Variants in CD200R1L observed in about 807,000 individuals in gnomAD.
CD200R1L encodes cell surface glycoprotein CD200 receptor 2.
CD200R1L carries 14 observed loss-of-function variants against 24.8 expected under a neutral mutation model. That is an observed-to-expected ratio of 0.56 (90% CI 0.37 to 0.88). The LOEUF is 0.88. CD200R1L is among the 40% of genes least tolerant of loss of function. The pLI is 0.00. For synonymous variants in CD200R1L, 111 were observed against 109.2 expected (o/e 1.02, Z -0.11); for missense variants, 299 against 297.8 (o/e 1.00, Z -0.03).
chr3:112,815,728 T>C lies in CD200R1L; in HGVS notation c.*235A>G, dbSNP rs1184002095. 2.1e-6 allele frequency: 1 copy of C among 479,240 alleles called. No homozygotes were observed. Among genetic ancestry groups the C allele is most frequent in the Non-Finnish European group, 3.8e-6 (1 of 264,298 alleles). 29.7% of individuals were successfully genotyped at this position (479,240 alleles called of 1,614,324 possible). The stretch of plus-strand genomic sequence containing the variant: ...AATAACACTGGCATGAACAAAATTT[T>C]ATTCACTCTAACACAAAAGAAGTCA... On this transcript the variant is annotated 3_prime_UTR_variant, in exon 8 of 8. Transcript: ENST00000488794.
intron 4 of CD200R1L, among the ~76,000 whole-genome samples, chr3:112,829,068 C>A (rs1938735132): frequency 6.6e-6 from 1 of 152,170 alleles, no homozygotes; most frequent in African/African-American, 2.4e-5. Flanking sequence ...TTAACGCAGA[C>A]CTGAAAGGTC....
chr3:112,820,489 G>A (rs1352248591), intron 6 of CD200R1L, among the ~76,000 whole-genome samples: 4 of 151,840 alleles, frequency 2.6e-5, no homozygotes, highest in Non-Finnish European at 4.4e-5. Context: ...CTAGTGCAGC[G>A]GCGCAATCTC....
At chr3:112,830,091 G>A (rs933981128) in intron 3 of CD200R1L, among the ~76,000 whole-genome samples, 3 of 152,136 alleles carry the variant, frequency 2.0e-5, no homozygotes, top group African/African-American at 4.8e-5. Context: ...TAGAAACAGG[G>A]TCACTTCGGG....
intron 3 of CD200R1L, 25 bp downstream of exon 3, chr3:112,837,917 G>T (rs947035054): frequency 1.9e-6 from 2 of 1,054,424 alleles, no homozygotes; most frequent in South Asian, 1.6e-5. Flanking sequence ...CATCAAACTG[G>T]TTATTAAGTA....
Position 112,827,738 on chromosome 3 carries a change from T to A in CD200R1L, c.50-54A>T. ...TAGAAAACCTTGATAAGGAACTTCA[T>A]GTGTTATGTTTATCCACAGTATATT... On this transcript the variant is annotated intron_variant, in intron 4 of 7. Transcript: ENST00000488794. The A allele has an allele frequency of 2.0e-6, 3 of 1,506,498 alleles. No homozygotes were observed. In the African/African-American group the frequency reaches 4.2e-5, roughly 21 times the overall value. 93.3% of individuals were successfully genotyped at this position (1,506,498 alleles called of 1,614,324 possible). A position where few individuals can be genotyped will look rare whatever the true frequency, so the allele number is the denominator to read the frequency against.
intron 3 of CD200R1L, among the ~76,000 whole-genome samples, chr3:112,835,210 A>G (rs911001939): frequency 5.3e-5 from 8 of 152,194 alleles, no homozygotes; most frequent in Non-Finnish European, 1.2e-4. Flanking sequence ...GAGTGATAGA[A>G]CAGCTCAGAG....
intron 6 of CD200R1L, among the ~76,000 whole-genome samples, chr3:112,822,460 A>G (rs1938557661): frequency 2.0e-5 from 3 of 152,146 alleles, no homozygotes; most frequent in Admixed American, 2.0e-4. Flanking sequence ...AATTTAATCA[A>G]TCATACCTAT....
chr3:112,825,040 A>G (rs1351857074), intron 6 of CD200R1L, among the ~76,000 whole-genome samples: 3 of 152,158 alleles, frequency 2.0e-5, no homozygotes, highest in Non-Finnish European at 4.4e-5. Flanking sequence ...GATCGAGACC[A>G]TCCTGGCTAA....
At chr3:112,842,314 A>G (rs1364173318) in intron 2 of CD200R1L, among the ~76,000 whole-genome samples, 1 of 152,234 alleles carries the variant, frequency 6.6e-6, no homozygotes, top group Non-Finnish European at 1.5e-5. Flanking sequence ...GATTTCATGG[A>G]CATTTATCAG....
rs561528896 is a variant in CD200R1L at position 112,838,652 on chromosome 3, C to T, written c.-86-642G>A. On this transcript the variant is annotated intron_variant, in intron 2 of 7. Transcript: ENST00000488794. ...ATTTTACGGCTCATTTAATGGTCTA[C>T]CTTGGTAAATATTCTGTGTTCACCT... Among the ~76,000 whole-genome samples the T allele has an allele frequency of 3.3e-5, 5 of 152,120 alleles. No individual in the cohort carries two copies. In the East Asian group the frequency reaches 9.6e-4, roughly 29 times the overall value.
rs1249014055 is a variant in CD200R1L at position 112,819,834 on chromosome 3, A to T, written c.678T>A (p.Ser226=). The part of the protein sequence containing the change: ...SLLIILYVKL[S]LFVVILVTTG... ...TGGTGACCAGAATGACCACAAAAAG[A>T]GAGAGTTTCACATAAAGAATGATCA... Residue 226 remains serine (S), a synonymous_variant, in exon 7 of 8, where the codon TCT becomes TCA. Coordinates refer to ENST00000488794, the MANE Select transcript of CD200R1L (RefSeq NM_001199215.3). The T allele has an allele frequency of 1.2e-6, 2 of 1,611,678 alleles. No homozygotes were observed. Among genetic ancestry groups the T allele is most frequent in the Non-Finnish European group, 1.7e-6 (2 of 1,179,214 alleles).
chr3:112,827,380 G>A lies in CD200R1L; in HGVS notation c.354C>T (p.His118=), dbSNP rs1336628625. 9 of 1,613,514 alleles carry A rather than the reference G, an allele frequency of 5.6e-6. No homozygotes were observed. The highest frequency in any genetic ancestry group is 3.3e-5 in the South Asian group (3 of 90,950). ...GATGCTCCTTACCTAACACTTGGAG[G>A]TGATATCCACGATGGAAATTCCCAT... The part of the protein sequence containing the change: ...TPDGNFHRGY[H]LQVLVTPEVN... Residue 118 remains histidine, a synonymous_variant, in exon 5 of 8, where the codon CAC becomes CAT. Coordinates refer to ENST00000488794, the MANE Select transcript of CD200R1L (RefSeq NM_001199215.3).
chr3:112,826,911 C>T lies in CD200R1L; in HGVS notation c.616+82G>A. 6 of 1,470,660 alleles carry T rather than the reference C, an allele frequency of 4.1e-6. No individual in the cohort carries two copies. The Admixed American group carries it at 7.1e-5, about 17-fold the overall frequency. 91.1% of individuals were successfully genotyped at this position (1,470,660 alleles called of 1,614,324 possible). A position where few individuals can be genotyped will look rare whatever the true frequency, so the allele number is the denominator to read the frequency against. On this transcript the variant is annotated intron_variant, in intron 6 of 7. Coordinates refer to ENST00000488794, the MANE Select transcript of CD200R1L (RefSeq NM_001199215.3). ...AAGCTAGGAGCTCAAATTTTCTTAC[C>T]TGCTGTTTGGTTATTCGTTATTTTC...
Position 112,837,954 on chromosome 3 carries a change from G to A in CD200R1L, c.-30C>T, listed in dbSNP as rs1051564531. ...GTGAGCATTTTACCTTCATTAAGAC[G>A]TATTCTCTAACTTTGTATTTCCAGT... is the stretch of plus-strand genomic sequence containing the variant. On this transcript the variant is annotated 5_prime_UTR_variant, in exon 3 of 8. It adds an upstream start codon to the 5' untranslated region. Coordinates refer to ENST00000488794, the MANE Select transcript of CD200R1L (RefSeq NM_001199215.3). 38 of 1,228,978 alleles carry A rather than the reference G, an allele frequency of 3.1e-5. 2 individuals are homozygous for A. The highest frequency in any genetic ancestry group is 2.2e-4 in the Middle Eastern group (1 of 4,504). 76.1% of individuals were successfully genotyped at this position (1,228,978 alleles called of 1,614,324 possible). A position where few individuals can be genotyped will look rare whatever the true frequency, so the allele number is the denominator to read the frequency against.
At chr3:112,827,882 A>G (rs567110683) in intron 4 of CD200R1L, among the ~76,000 whole-genome samples, 198 bp from the exon 5 acceptor site, 114 of 152,332 alleles carry the variant, frequency 7.5e-4, no homozygotes, top group African/African-American at 2.6e-3. Context: ...AAAGATTAAC[A>G]AACTTTCTCC....
chr3:112,831,429 T>A (rs536725961), intron 3 of CD200R1L, among the ~76,000 whole-genome samples: 1 of 152,206 alleles, frequency 6.6e-6, no homozygotes, highest in Non-Finnish European at 1.5e-5. Flanking sequence ...GAGTGAAGAA[T>A]ACAATGACTA....
At position 112,827,093 on chromosome 3, in the gene CD200R1L, C is replaced by T. The variant is rs376654114; in HGVS notation, c.516G>A (p.Thr172=). 1.5e-5 allele frequency: 24 copies of T among 1,613,370 alleles called. No homozygotes were observed. Among genetic ancestry groups the T allele is most frequent in the Admixed American group, 5.0e-5 (3 of 60,022 alleles). ...CCTCCCAGGGGCATGTACTCTTAACCGTCACTGTGCCATTGCCCCAGTATT... is the reference window on the plus strand; with the variant it reads ...CCTCCCAGGGGCATGTACTCTTAACTGTCACTGTGCCATTGCCCCAGTATT... ...KQEYWGNGTV[T]VKSTCPWEGH... The change falls in exon 6 of 8, where the codon ACG becomes ACA. Residue 172 remains threonine (T), a synonymous_variant. Coordinates refer to ENST00000488794, the MANE Select transcript of CD200R1L (RefSeq NM_001199215.3).
At position 112,827,375 on chromosome 3, in the gene CD200R1L, T is replaced by G. The variant is rs1288075252; in HGVS notation, c.359A>C (p.Gln120Pro). Residue 120 changes from glutamine to proline, a missense_variant, in exon 5 of 8, where the codon CAA becomes CCA. Coordinates refer to ENST00000488794, the MANE Select transcript of CD200R1L (RefSeq NM_001199215.3). ...TATGTGATGCTCCTTACCTAACACT[T>G]GGAGGTGATATCCACGATGGAAATT... is the stretch of plus-strand genomic sequence containing the variant. ...DGNFHRGYHLQVLVTPEVNLF... is the reference protein window; with the variant it reads ...DGNFHRGYHLPVLVTPEVNLF... 8.1e-6 allele frequency: 13 copies of G among 1,613,300 alleles called. No homozygotes were observed. The highest frequency in any genetic ancestry group is 1.0e-5 in the Non-Finnish European group (12 of 1,179,646).
At chr3:112,846,269 T>C (rs1020701461) in intron 1 of CD200R1L, among the ~76,000 whole-genome samples, 2 of 152,254 alleles carry the variant, frequency 1.3e-5, no homozygotes, top group South Asian at 2.1e-4. Flanking sequence ...AGACTTCTAA[T>C]AGCTTTAATT....
Sources: allele counts gnomAD v4.1 joint callset (sites outside exome capture counted in the v4.1 genomes callset), GRCh38; gene constraint gnomAD v4.1.1; transcripts MANE v1.5; gene names NCBI Gene and HGNC (gene_info 2026-07-23, HGNC 2026-07-21).